ARMC8: variants seen among roughly 807,000 people sequenced by gnomAD.
The protein encoded by ARMC8 is armadillo repeat-containing protein 8.
Under a neutral mutation model 99.3 loss-of-function variants are expected in ARMC8, and 20 were observed. The ratio of observed to expected loss-of-function variants is 0.20; its 90% confidence interval spans 0.14 to 0.29. The LOEUF is 0.29. Among genes scored for constraint, ARMC8 ranks in the 10% least tolerant of loss-of-function variants. ARMC8 has a pLI of 1.00. For missense variants in ARMC8, 569 were observed against 809.5 expected, an observed-to-expected ratio of 0.70 and a Z score of 3.60; for synonymous variants, 263 against 278.3, an observed-to-expected ratio of 0.95 and a Z score of 0.55.
chr3:138,245,370 A>G, intron 12 of ARMC8, 187 bp downstream of exon 12: 1 of 1,441,422 alleles, frequency 6.9e-7, no homozygotes, highest in Non-Finnish European at 9.1e-7. Context: ...TTTTTAGAAC[A>G]TAGAGTGGCA....
At position 138,295,891 on chromosome 3, in the gene ARMC8, G is replaced by A. The variant is rs377213361; in HGVS notation, c.2021G>A (p.Ter674=). 1 of 1,613,656 alleles carries A rather than the reference G, an allele frequency of 6.2e-7. No individual in the cohort carries two copies. Among genetic ancestry groups the A allele is most frequent in the Non-Finnish European group, 8.5e-7 (1 of 1,179,766 alleles). The change falls in exon 22 of 22, where the codon TGA becomes TAA. Residue 674 remains the stop codon, a stop_retained_variant. Coordinates refer to ENST00000469044, the MANE Select transcript of ARMC8 (RefSeq NM_001363941.2). ...ATGGCACTGCAGCAGTACCTGGCAT[G>A]ATGGGAGTGCCCCTGGGCACCTGCG... is the stretch of plus-strand genomic sequence containing the variant. ...AKMALQQYLA[*]
chr3:138,228,226 C>T (rs1256357637), intron 5 of ARMC8, among the ~76,000 whole-genome samples: 2 of 152,206 alleles, frequency 1.3e-5, no homozygotes, highest in African/African-American at 2.4e-5. Context: ...GAGATCTGCC[C>T]GCCTTGGCCT....
intron 3 of ARMC8, 70 bp downstream of exon 3, chr3:138,222,067 T>G: frequency 1.7e-6 from 2 of 1,185,172 alleles, no homozygotes; most frequent in Non-Finnish European, 2.5e-6. Flanking sequence ...CTCTCAATTA[T>G]AGAACCCATT....
Position 138,284,527 on chromosome 3 carries a change from G to T in ARMC8, c.1821+1G>T. Reference sequence around the variant, plus strand: ...CCTACAGAAAATCAAGTATTACATGGTGAGCCCTTGTCCCCTTTCACCGTA... The same window carrying T: ...CCTACAGAAAATCAAGTATTACATGTTGAGCCCTTGTCCCCTTTCACCGTA... On this transcript the variant is annotated splice_donor_variant, in intron 19 of 21. Coordinates refer to ENST00000469044, the MANE Select transcript of ARMC8 (RefSeq NM_001363941.2). LOFTEE classifies it high-confidence loss of function. The T allele has an allele frequency of 6.2e-7, 1 of 1,600,216 alleles. No homozygotes were observed. The highest frequency in any genetic ancestry group is 2.2e-5 in the East Asian group (1 of 44,820).
chr3:138,255,485 A>AG (rs1172070852), intron 12 of ARMC8, among the ~76,000 whole-genome samples: 3 of 151,404 alleles, frequency 2.0e-5, no homozygotes, highest in African/African-American at 4.8e-5. Flanking sequence ...TACAGGCCTG[A>AG]GCCACCGCGC....
At chr3:138,268,466 C>T (rs572493893) in intron 15 of ARMC8, among the ~76,000 whole-genome samples, 4 of 152,238 alleles carry the variant, frequency 2.6e-5, no homozygotes, top group East Asian at 1.9e-4. Context: ...CTTAACTGCT[C>T]TTATATTGCT....
At chr3:138,200,711 C>T (rs564812566) in intron 1 of ARMC8, among the ~76,000 whole-genome samples, 2 of 152,070 alleles carry the variant, frequency 1.3e-5, no homozygotes, top group Non-Finnish European at 2.9e-5. Flanking sequence ...ACACCCTTCC[C>T]TTTTCTCACC....
intron 5 of ARMC8, among the ~76,000 whole-genome samples, chr3:138,228,303 C>A (rs1454930553): frequency 1.3e-5 from 2 of 152,166 alleles, no homozygotes; most frequent in Non-Finnish European, 2.9e-5. Context: ...AAAGGAAATT[C>A]TTGGAGAGAC....
chr3:138,231,699 C>A (rs1013269521), intron 6 of ARMC8, among the ~76,000 whole-genome samples: 3 of 151,604 alleles, frequency 2.0e-5, no homozygotes, highest in Admixed American at 6.6e-5. Context: ...ATCCCTTGAG[C>A]GAGAGGATCC....
intron 18 of ARMC8, among the ~76,000 whole-genome samples, chr3:138,278,921 T>A (rs550996662): frequency 7.9e-5 from 12 of 152,046 alleles, no homozygotes; most frequent in Non-Finnish European, 1.8e-4. Flanking sequence ...AAAGTCACTT[T>A]AAGTTATTTT....
At position 138,295,801 on chromosome 3, in the gene ARMC8, GT is replaced by G. The variant is rs2051435912; in HGVS notation, c.1989-52del. ...CCAGCTATCATCATTGAACCATAGG[GT>G]TTTTTACCCCAATTACAATTCTGAG... On this transcript the variant is annotated intron_variant, in intron 21 of 21. Transcript: ENST00000469044. 4.4e-6 allele frequency: 7 copies of G among 1,590,112 alleles called. No homozygotes were observed. The Admixed American group carries it at 1.2e-4, about 27-fold the overall frequency.
chr3:138,267,824 C>A (rs1362094983), intron 15 of ARMC8, among the ~76,000 whole-genome samples: 2 of 152,012 alleles, frequency 1.3e-5, no homozygotes, highest in Non-Finnish European at 2.9e-5. Flanking sequence ...TCATAATACC[C>A]CTGATCTGCC....
At position 138,296,742 on chromosome 3, in the gene ARMC8, T is replaced by C. The variant is rs2108413641; in HGVS notation, c.*850T>C. The C allele has an allele frequency of 6.6e-6, 1 of 152,292 alleles. No individual in the cohort carries two copies. Among genetic ancestry groups the C allele is most frequent in the African/African-American group, 2.4e-5 (1 of 41,564 alleles). 9.4% of individuals were successfully genotyped at this position (152,292 alleles called of 1,614,324 possible). ...GTAAAGTGAGGCAACAGATTCACCA[T>C]AGGCTTTTTGAAGCATCAAAGGGAA... On this transcript the variant is annotated 3_prime_UTR_variant, in exon 22 of 22. Transcript: ENST00000469044.
At chr3:138,201,436 C>CCTTTTTTTTTTTTTT (rs2044064743) in intron 1 of ARMC8, among the ~76,000 whole-genome samples, 1 of 64,932 alleles carries the variant, frequency 1.5e-5, no homozygotes, top group Non-Finnish European at 3.4e-5. Flanking sequence ...CTTCCCCTCC[C>CCTTTTTTTTTTTTTT]TTTTTTTTTT....
At chr3:138,283,464 C>T (rs1305635957) in intron 18 of ARMC8, among the ~76,000 whole-genome samples, 1 of 152,166 alleles carries the variant, frequency 6.6e-6, no homozygotes, top group African/African-American at 2.4e-5. Context: ...TTCATGCCTT[C>T]TCTATTCTCT....
At chr3:138,295,666 A>C (rs1019975033) in intron 21 of ARMC8, among the ~76,000 whole-genome samples, 193 bp from the exon 22 acceptor site, 34 of 152,256 alleles carry the variant, frequency 2.2e-4, no homozygotes, top group Admixed American at 2.2e-3. Context: ...AGAAGAATAT[A>C]GCCAGAGTAG....
intron 6 of ARMC8, among the ~76,000 whole-genome samples, chr3:138,232,584 A>C (rs1415423720): frequency 6.6e-6 from 1 of 152,344 alleles, no homozygotes; most frequent in East Asian, 1.9e-4. Context: ...CTAAGTGTCT[A>C]ACTATAGGGT....
intron 1 of ARMC8, among the ~76,000 whole-genome samples, chr3:138,206,691 A>C (rs2044390334): frequency 6.6e-6 from 1 of 152,220 alleles, no homozygotes; most frequent in African/African-American, 2.4e-5. Flanking sequence ...TTCTGAAAGA[A>C]GAGAGAAGAG....
intron 17 of ARMC8, 32 bp downstream of exon 17, chr3:138,273,148 C>T: frequency 6.3e-7 from 1 of 1,596,008 alleles, no homozygotes. Flanking sequence ...TCCAAATTAG[C>T]TAGCCCTGCA....
Sources: allele counts gnomAD v4.1 joint callset (sites outside exome capture counted in the v4.1 genomes callset), GRCh38; gene constraint gnomAD v4.1.1; transcripts MANE v1.5; gene names NCBI Gene and HGNC (gene_info 2026-07-23, HGNC 2026-07-21).